Variants in ANKS1B observed in about 807,000 individuals in gnomAD.
ANKS1B encodes the protein ankyrin repeat and sterile alpha motif domain-containing protein 1B.
A neutral mutation model predicts 148.3 loss-of-function variants in ANKS1B; 36 were observed. That is an observed-to-expected ratio of 0.24 (90% confidence interval 0.19 to 0.32). The LOEUF is 0.32. ANKS1B is among the 10% of genes least tolerant of loss of function. The pLI, the probability that ANKS1B is intolerant of heterozygous loss-of-function variation, is 1.00. For synonymous variants in ANKS1B, 542 were observed against 560.8 expected (o/e 0.97, Z 0.47); for missense variants, 1,157 against 1,542.6 (o/e 0.75, Z 4.19).
At chr12:99,598,248 A>T (rs937715074) in intron 9 of ANKS1B, among the ~76,000 whole-genome samples, 3 of 152,120 alleles carry the variant, frequency 2.0e-5, no homozygotes, top group Admixed American at 2.0e-4. Context: ...AATAGTAGCC[A>T]GGCACTGGGT....
intron 4 of ANKS1B, among the ~76,000 whole-genome samples, chr12:99,794,833 A>C (rs1193258622): frequency 2.0e-5 from 3 of 151,946 alleles, no homozygotes; most frequent in African/African-American, 7.2e-5. Flanking sequence ...TGTACATTTA[A>C]AAATAAATAA....
At chr12:98,827,264 T>A (rs2099256571) in intron 19 of ANKS1B, among the ~76,000 whole-genome samples, 1 of 152,164 alleles carries the variant, frequency 6.6e-6, no homozygotes, top group Non-Finnish European at 1.5e-5. Flanking sequence ...AAGTGCTGTA[T>A]TGAACAGCAG....
At chr12:99,093,853 A>T (rs1355963831) in intron 15 of ANKS1B, among the ~76,000 whole-genome samples, 1 of 152,230 alleles carries the variant, frequency 6.6e-6, no homozygotes, top group Non-Finnish European at 1.5e-5. Context: ...GCAAAGAGGA[A>T]GAGAAAGGGA....
At chr12:99,943,466 T>G (rs1483988138) in intron 1 of ANKS1B, among the ~76,000 whole-genome samples, 1 of 152,146 alleles carries the variant, frequency 6.6e-6, no homozygotes, top group African/African-American at 2.4e-5. Context: ...CACTGGGTAA[T>G]TTATAAAGGA....
intron 17 of ANKS1B, among the ~76,000 whole-genome samples, chr12:98,985,762 T>TA (rs1014191936): frequency 6.6e-6 from 1 of 152,170 alleles, no homozygotes; most frequent in African/African-American, 2.4e-5. Flanking sequence ...AATTATCTTT[T>TA]AAAATCTTTA....
chr12:99,553,355 T>C (rs1446708655), intron 9 of ANKS1B, among the ~76,000 whole-genome samples: 1 of 152,206 alleles, frequency 6.6e-6, no homozygotes, highest in East Asian at 1.9e-4. Context: ...AGTAACCAAA[T>C]ATCTGAACAT....
chr12:99,070,904 A>T (rs1157486969), intron 16 of ANKS1B, among the ~76,000 whole-genome samples: 2 of 152,066 alleles, frequency 1.3e-5, no homozygotes, highest in Non-Finnish European at 2.9e-5. Flanking sequence ...CCCTCACGCG[A>T]TCCTCCTGCC....
intron 9 of ANKS1B, among the ~76,000 whole-genome samples, chr12:99,528,166 C>T (rs985569554): frequency 2.0e-5 from 3 of 151,886 alleles, no homozygotes; most frequent in African/African-American, 7.3e-5. Context: ...AACTGGCTAG[C>T]CATATGCAGA....
At chr12:99,863,505 G>T (rs1293101664) in intron 1 of ANKS1B, among the ~76,000 whole-genome samples, 1 of 152,068 alleles carries the variant, frequency 6.6e-6, no homozygotes, top group African/African-American at 2.4e-5. Flanking sequence ...CACGAAGTCA[G>T]GAGATTGAGA....
chr12:99,356,305 C>T (rs2091975134), intron 12 of ANKS1B, among the ~76,000 whole-genome samples: 1 of 152,154 alleles, frequency 6.6e-6, no homozygotes, highest in South Asian at 2.1e-4. Flanking sequence ...TTATGGAAAT[C>T]TGCTCTCTAG....
At chr12:99,266,523 T>G (rs1000537004) in intron 12 of ANKS1B, among the ~76,000 whole-genome samples, 1 of 152,220 alleles carries the variant, frequency 6.6e-6, no homozygotes, top group African/African-American at 2.4e-5. Context: ...CTGGTTTGTC[T>G]GACTCTAGAG....
At chr12:98,986,212 T>C (rs1490665288) in intron 17 of ANKS1B, among the ~76,000 whole-genome samples, 2 of 152,116 alleles carry the variant, frequency 1.3e-5, no homozygotes, top group African/African-American at 2.4e-5. Context: ...GTTTTTAAAA[T>C]ATTAATTCTG....
intron 16 of ANKS1B, among the ~76,000 whole-genome samples, chr12:99,080,206 G>C (rs1370862905): frequency 6.7e-6 from 1 of 150,196 alleles, no homozygotes; most frequent in African/African-American, 2.4e-5. Context: ...GCAATTGTGT[G>C]CAGGCAAATG....
At chr12:99,325,349 T>C (rs1317186961) in intron 12 of ANKS1B, among the ~76,000 whole-genome samples, 7 of 152,222 alleles carry the variant, frequency 4.6e-5, no homozygotes, top group Non-Finnish European at 1.5e-5. Flanking sequence ...AAATCATTGA[T>C]GCTTTATGAA....
intron 24 of ANKS1B, among the ~76,000 whole-genome samples, chr12:98,773,857 A>C (rs1217412797): frequency 1.3e-5 from 2 of 152,150 alleles, no homozygotes; most frequent in African/African-American, 4.8e-5. Context: ...TTCTGTATGG[A>C]GGGGAGCATC....
At chr12:99,594,794 A>C (rs1303019343) in intron 9 of ANKS1B, among the ~76,000 whole-genome samples, 1 of 152,026 alleles carries the variant, frequency 6.6e-6, no homozygotes, top group African/African-American at 2.4e-5. Flanking sequence ...AGAAATCTGC[A>C]GTACAAATAC....
chr12:99,365,544 T>G (rs1376977706), intron 12 of ANKS1B, among the ~76,000 whole-genome samples: 2 of 151,870 alleles, frequency 1.3e-5, no homozygotes, highest in Non-Finnish European at 2.9e-5. Flanking sequence ...AGTTGTAGAG[T>G]GCCTCAAAGG....
intron 9 of ANKS1B, among the ~76,000 whole-genome samples, chr12:99,550,349 C>T (rs950918817): frequency 2.6e-5 from 4 of 152,092 alleles, no homozygotes; most frequent in African/African-American, 9.7e-5. Flanking sequence ...TCCAATCAAG[C>T]GCGGTGGCTT....
intron 11 of ANKS1B, among the ~76,000 whole-genome samples, chr12:99,430,376 G>A (rs1225193379): frequency 6.6e-6 from 1 of 152,084 alleles, no homozygotes; most frequent in Admixed American, 6.5e-5. Flanking sequence ...GAGTCTAGGT[G>A]GTACAGTTAA....
Sources: allele counts gnomAD v4.1 joint callset (sites outside exome capture counted in the v4.1 genomes callset), GRCh38; gene constraint gnomAD v4.1.1; transcripts MANE v1.5; gene names NCBI Gene and HGNC (gene_info 2026-07-23, HGNC 2026-07-21).